DOK6: variants seen among roughly 807,000 people sequenced by gnomAD.
The protein encoded by DOK6 is downstream of tyrosine kinase 6.
A neutral mutation model predicts 44.0 loss-of-function variants in DOK6; 22 were observed. That is an observed-to-expected ratio of 0.50 (90% CI 0.36 to 0.71). DOK6 has a LOEUF of 0.71. Among genes scored for constraint, DOK6 ranks in the 30% least tolerant of loss-of-function variants. DOK6 has a pLI of 0.00. For synonymous variants in DOK6, 166 were observed against 145.5 expected (o/e 1.14, Z -1.01); for missense variants, 340 against 416.4 (o/e 0.82, Z 1.60).
intron 1 of DOK6, among the ~76,000 whole-genome samples, chr18:69,430,654 G>A (rs1978778901): frequency 6.6e-6 from 1 of 151,986 alleles, no homozygotes. Flanking sequence ...TGCTTTATAG[G>A]AATTTTTTTC....
At position 69,698,559 on chromosome 18, in the gene DOK6, C is replaced by T. The variant is rs1322783593; in HGVS notation, c.565C>T (p.Arg189Trp). 6.2e-7 allele frequency: 1 copy of T among 1,613,840 alleles called. No individual in the cohort carries two copies. The highest frequency in any genetic ancestry group is 8.5e-7 in the Non-Finnish European group (1 of 1,179,908). ...TCTCAGCTCACTGAGGAGATACGGT[C>T]GGGACTCAACGTGGTTCACGTTTGA... ...WPLSSLRRYG[R>W]DSTWFTFESG... Residue 189 changes from arginine (R) to tryptophan (W), a missense_variant, in exon 5 of 8, where the codon CGG becomes TGG. This residue lies in a region of DOK6 where 206 missense variants were observed against 258.6 expected (regional missense o/e 0.80). Transcript: ENST00000382713.
At chr18:69,710,813 G>A (rs1357858023) in intron 5 of DOK6, among the ~76,000 whole-genome samples, 2 of 152,122 alleles carry the variant, frequency 1.3e-5, no homozygotes, top group African/African-American at 4.8e-5. Context: ...GGTATTTTTT[G>A]TTTGCTTATT....
At chr18:69,421,604 G>T (rs189774927) in intron 1 of DOK6, among the ~76,000 whole-genome samples, 133 of 152,246 alleles carry the variant, frequency 8.7e-4, no homozygotes, top group African/African-American at 3.0e-3. Flanking sequence ...GATTTGATTT[G>T]CCACAATGAA....
chr18:69,707,891 C>T (rs1986668830), intron 5 of DOK6, among the ~76,000 whole-genome samples: 2 of 152,068 alleles, frequency 1.3e-5, no homozygotes, highest in South Asian at 4.2e-4. Context: ...AGATGATTTG[C>T]ACGGCGAATC....
chr18:69,617,428 AAG>A (rs1184104513), intron 3 of DOK6, among the ~76,000 whole-genome samples: 3 of 150,818 alleles, frequency 2.0e-5, no homozygotes, highest in Admixed American at 6.6e-5. Context: ...AAGAAAAAGA[AAG>A]AAAGAGGGAG....
At chr18:69,578,783 A>G (rs1568301902) in intron 2 of DOK6, among the ~76,000 whole-genome samples, 1 of 152,212 alleles carries the variant, frequency 6.6e-6, no homozygotes, top group Non-Finnish European at 1.5e-5. Flanking sequence ...GTTATATATT[A>G]CACTTTAAGT....
intron 3 of DOK6, among the ~76,000 whole-genome samples, chr18:69,620,291 GATTGT>G (rs1228167412): frequency 1.3e-5 from 2 of 152,002 alleles, no homozygotes; most frequent in Non-Finnish European, 2.9e-5. Flanking sequence ...TCTTCCTCCA[GATTGT>G]ATTTGTGAAC....
rs1981825135 is a variant in DOK6 at position 69,526,149 on chromosome 18, G to A, written c.67-38338G>A. On this transcript the variant is annotated intron_variant, in intron 1 of 7. Coordinates refer to ENST00000382713, the MANE Select transcript of DOK6 (RefSeq NM_152721.6). Reference sequence around the variant, plus strand: ...TTCTGTTGTTTTTAGTGGATTCACAGAATTGTGCACCCATCACTACAATCA... The same window carrying A: ...TTCTGTTGTTTTTAGTGGATTCACAAAATTGTGCACCCATCACTACAATCA... Among the ~76,000 whole-genome samples, 8 of 152,046 alleles carry A rather than the reference G, an allele frequency of 5.3e-5. No individual in the cohort carries two copies. In the South Asian group the frequency reaches 1.7e-3, roughly 32 times the overall value.
intron 3 of DOK6, among the ~76,000 whole-genome samples, chr18:69,651,482 CTT>C (rs1168500882): frequency 1.8e-3 from 211 of 116,894 alleles, no homozygotes; most frequent in African/African-American, 6.3e-3. Context: ...CCCCCCGCTC[CTT>C]TTTTTTTTTT....
intron 7 of DOK6, among the ~76,000 whole-genome samples, chr18:69,763,680 G>C (rs576834446): frequency 5.9e-4 from 90 of 152,142 alleles, no homozygotes; most frequent in African/African-American, 2.0e-3. Flanking sequence ...AGATTACTGA[G>C]TTTTTCTTAC....
At chr18:69,558,873 T>G (rs190044224) in intron 1 of DOK6, among the ~76,000 whole-genome samples, 17 of 152,234 alleles carry the variant, frequency 1.1e-4, no homozygotes, top group Middle Eastern at 3.4e-3. Flanking sequence ...AGTGCATTCA[T>G]TTTGAAAATG....
chr18:69,716,427 C>A (rs1182599823), intron 5 of DOK6, among the ~76,000 whole-genome samples: 1 of 152,162 alleles, frequency 6.6e-6, no homozygotes, highest in Non-Finnish European at 1.5e-5. Flanking sequence ...CAATGATGTT[C>A]TAATACGAGT....
intron 2 of DOK6, among the ~76,000 whole-genome samples, chr18:69,582,583 C>G (rs1010555897): frequency 5.3e-5 from 8 of 152,190 alleles, no homozygotes; most frequent in Non-Finnish European, 1.2e-4. Flanking sequence ...CTCAGCTGCA[C>G]AAGTTGAGTT....
intron 4 of DOK6, among the ~76,000 whole-genome samples, chr18:69,679,405 T>A (rs912841605): frequency 6.6e-6 from 1 of 152,180 alleles, no homozygotes; most frequent in Admixed American, 6.5e-5. Flanking sequence ...TATAATAAGT[T>A]CCAAATATTG....
chr18:69,755,063 A>G (rs1979310803), intron 6 of DOK6, among the ~76,000 whole-genome samples: 1 of 152,212 alleles, frequency 6.6e-6, no homozygotes, highest in Admixed American at 6.5e-5. Context: ...TTTTTCAGCA[A>G]TAAATTATGG....
chr18:69,679,733 T>C (rs1378014289), intron 4 of DOK6, among the ~76,000 whole-genome samples: 1 of 152,226 alleles, frequency 6.6e-6, no homozygotes, highest in African/African-American at 2.4e-5. Flanking sequence ...CTTTTTACTT[T>C]GAAGATTTGG....
At chr18:69,667,884 G>A (rs571304176) in intron 3 of DOK6, among the ~76,000 whole-genome samples, 6 of 152,110 alleles carry the variant, frequency 3.9e-5, no homozygotes, top group Non-Finnish European at 7.4e-5. Context: ...ACATTTATAA[G>A]TCCGATCTGA....
At chr18:69,761,740 G>A (rs1478188581) in intron 7 of DOK6, among the ~76,000 whole-genome samples, 1 of 152,148 alleles carries the variant, frequency 6.6e-6, no homozygotes, top group East Asian at 1.9e-4. Flanking sequence ...CTAGAAGGGT[G>A]ACTCTTGAAT....
At chr18:69,767,612 G>A (rs1382918197) in intron 7 of DOK6, among the ~76,000 whole-genome samples, 3 of 151,806 alleles carry the variant, frequency 2.0e-5, no homozygotes, top group African/African-American at 7.3e-5. Context: ...CCCCAAATCA[G>A]TTCTTACTAA....
Sources: allele counts gnomAD v4.1 joint callset (sites outside exome capture counted in the v4.1 genomes callset), GRCh38; gene constraint gnomAD v4.1.1; regional missense constraint gnomAD v4.1.1; transcripts MANE v1.5; gene names NCBI Gene and HGNC (gene_info 2026-07-23, HGNC 2026-07-21).